CSMD1: variants seen among roughly 807,000 people sequenced by gnomAD.
The protein encoded by CSMD1 is CUB and sushi domain-containing protein 1.
CSMD1 carries 213 observed loss-of-function variants against 417.5 expected under a neutral mutation model. The observed-to-expected ratio is 0.51, with a 90% CI of 0.46 to 0.57. The LOEUF (loss-of-function observed/expected upper bound fraction) is 0.57. CSMD1 is among the 20% of genes least tolerant of loss of function. The pLI is 0.00. For missense variants in CSMD1, 6,923 were observed against 4,529.7 expected, an observed-to-expected ratio of 1.53 and a Z score of -15.17; for synonymous variants, 2,862 against 1,736.8, an observed-to-expected ratio of 1.65 and a Z score of -16.11.
intron 17 of CSMD1, among the ~76,000 whole-genome samples, chr8:3,388,586 G>T (rs75272032): frequency 0.012 from 1,810 of 152,242 alleles, 45 homozygotes; most frequent in East Asian, 0.097. Flanking sequence ...TGATCTTCGG[G>T]ATATTGTTTC....
At chr8:4,238,931 G>C (rs1409219692) in intron 3 of CSMD1, among the ~76,000 whole-genome samples, 4 of 152,116 alleles carry the variant, frequency 2.6e-5, no homozygotes, top group Non-Finnish European at 5.9e-5. Context: ...TTCTACATAT[G>C]ATTTTCTACC....
chr8:4,983,189 G>T (rs2924724), intron 1 of CSMD1, among the ~76,000 whole-genome samples: 103,254 of 152,124 alleles, frequency 0.68, 36,069 homozygotes, highest in African/African-American at 0.81. Context: ...AGCTAATTAT[G>T]TTGACAAGTT....
At chr8:4,337,647 C>G (rs889953471) in intron 3 of CSMD1, among the ~76,000 whole-genome samples, 5 of 152,164 alleles carry the variant, frequency 3.3e-5, no homozygotes, top group African/African-American at 1.2e-4. Flanking sequence ...ATTCCGTTGA[C>G]TTACAGCAGA....
At chr8:3,571,806 A>G (rs1799954695) in intron 10 of CSMD1, among the ~76,000 whole-genome samples, 1 of 151,962 alleles carries the variant, frequency 6.6e-6, no homozygotes, top group Non-Finnish European at 1.5e-5. Context: ...TCTGTTTCAG[A>G]CCTTATCATC....
At chr8:3,016,639 T>C (rs1181279007) in intron 52 of CSMD1, among the ~76,000 whole-genome samples, 1 of 152,252 alleles carries the variant, frequency 6.6e-6, no homozygotes, top group Non-Finnish European at 1.5e-5. Context: ...TCTAATCTTT[T>C]TCTATTTTTT....
At chr8:4,159,236 T>A (rs1198252182) in intron 3 of CSMD1, among the ~76,000 whole-genome samples, 2 of 152,156 alleles carry the variant, frequency 1.3e-5, no homozygotes, top group African/African-American at 2.4e-5. Context: ...TATTGATAGA[T>A]AACCGTGAAA....
At chr8:4,015,405 C>T (rs1003121788) in intron 4 of CSMD1, among the ~76,000 whole-genome samples, 1 of 152,054 alleles carries the variant, frequency 6.6e-6, no homozygotes, top group African/African-American at 2.4e-5. Context: ...ATTAAAAAAC[C>T]TCGACTGACA....
At chr8:3,752,383 G>C (rs904449313) in intron 6 of CSMD1, among the ~76,000 whole-genome samples, 2 of 152,078 alleles carry the variant, frequency 1.3e-5, no homozygotes, top group African/African-American at 4.8e-5. Flanking sequence ...CGCTGGGTAC[G>C]GTGGCTCACA....
chr8:3,186,948 G>C (rs1000733771), intron 36 of CSMD1, among the ~76,000 whole-genome samples: 2 of 152,160 alleles, frequency 1.3e-5, no homozygotes, highest in African/African-American at 4.8e-5. Context: ...CGCCATGTTG[G>C]CCAGGCTGGT....
intron 5 of CSMD1, among the ~76,000 whole-genome samples, chr8:3,888,651 A>C (rs773008085): frequency 6.6e-5 from 10 of 152,100 alleles, no homozygotes; most frequent in East Asian, 1.9e-4. Flanking sequence ...TATCATGTTG[A>C]GATTAATCTC....
intron 10 of CSMD1, among the ~76,000 whole-genome samples, chr8:3,543,334 C>A (rs1373839891): frequency 2.0e-5 from 3 of 152,158 alleles, no homozygotes; most frequent in Non-Finnish European, 4.4e-5. Flanking sequence ...TGAAAAGTCA[C>A]TGGGGATTTT....
chr8:4,250,352 T>C (rs1045610478), intron 3 of CSMD1, among the ~76,000 whole-genome samples: 2 of 152,106 alleles, frequency 1.3e-5, no homozygotes, highest in Admixed American at 6.5e-5. Context: ...AGAATGTGTG[T>C]CCCCTAATGT....
At chr8:4,655,308 C>G (rs963363775) in intron 1 of CSMD1, among the ~76,000 whole-genome samples, 8 of 152,078 alleles carry the variant, frequency 5.3e-5, no homozygotes, top group African/African-American at 1.9e-4. Flanking sequence ...CCTGGCTGAT[C>G]CTAGTTCCTC....
chr8:4,832,090 T>G (rs566371879), intron 1 of CSMD1, among the ~76,000 whole-genome samples: 3 of 152,194 alleles, frequency 2.0e-5, no homozygotes, highest in Non-Finnish European at 4.4e-5. Flanking sequence ...TACCCTTCTC[T>G]TCGGGAACCT....
chr8:3,354,889 G>GTCTATCTATAGATCTATCTATAGATATA (rs1808659957), intron 21 of CSMD1, among the ~76,000 whole-genome samples: 1 of 140,928 alleles, frequency 7.1e-6, no homozygotes, highest in Non-Finnish European at 1.5e-5. Flanking sequence ...CTATAGATAT[G>GTCTATCTATAGATCTATCTATAGATATA]TCTATCTATA....
intron 2 of CSMD1, among the ~76,000 whole-genome samples, chr8:4,578,266 T>C (rs1353121573): frequency 1.3e-5 from 2 of 150,928 alleles, no homozygotes; most frequent in African/African-American, 4.9e-5. Context: ...GTTCACGCCA[T>C]TCTCCTGCCT....
chr8:4,418,504 A>G (rs772357378), intron 3 of CSMD1, among the ~76,000 whole-genome samples: 7 of 152,140 alleles, frequency 4.6e-5, no homozygotes, highest in Admixed American at 1.3e-4. Context: ...TCAGCTATCA[A>G]CTTCATCAGG....
intron 2 of CSMD1, among the ~76,000 whole-genome samples, chr8:4,510,661 G>C (rs1048511377): frequency 9.8e-6 from 1 of 101,954 alleles, no homozygotes; most frequent in Non-Finnish European, 1.8e-5. Context: ...TCTTCCTTCC[G>C]TCTTCCTTTC....
At chr8:4,612,195 C>T (rs1161870819) in intron 2 of CSMD1, among the ~76,000 whole-genome samples, 1 of 152,142 alleles carries the variant, frequency 6.6e-6, no homozygotes, top group Non-Finnish European at 1.5e-5. Context: ...AAAAAACTGG[C>T]TGCAGGCACA....
Sources: gnomAD v4.1 joint callset for allele counts (sites outside exome capture counted in the v4.1 genomes callset) on GRCh38, gnomAD v4.1.1 for gene constraint, MANE v1.5 for transcripts, NCBI Gene and HGNC (gene_info 2026-07-23, HGNC 2026-07-21) for gene names.